The following GRXCR1 variants were observed in gnomAD, a reference collection of about 807,000 sequenced individuals.
The protein encoded by GRXCR1 is glutaredoxin domain-containing cysteine-rich protein 1.
GRXCR1 carries 27 observed loss-of-function variants against 27.3 expected under a neutral mutation model. The ratio of observed to expected loss-of-function variants is 0.99; its 90% CI spans 0.73 to 1.37. The LOEUF (loss-of-function observed/expected upper bound fraction) is 1.37. Ranked by LOEUF, GRXCR1 falls within the 40% of genes most tolerant of loss-of-function variation. The probability of loss-of-function intolerance (pLI) is 0.00; values close to 1 mark genes in which losing one functional copy is unlikely to be tolerated. For missense variants in GRXCR1, 379 were observed against 354.4 expected, an observed-to-expected ratio of 1.07 and a Z score of -0.56; for synonymous variants, 122 against 131.1, an observed-to-expected ratio of 0.93 and a Z score of 0.47.
At chr4:42,913,747 T>A (rs540554395) in intron 1 of GRXCR1, among the ~76,000 whole-genome samples, 1 of 152,286 alleles carries the variant, frequency 6.6e-6, no homozygotes, top group Non-Finnish European at 1.5e-5. Context: ...GCCTGTCCCA[T>A]CACAGGTGCA....
intron 1 of GRXCR1, among the ~76,000 whole-genome samples, chr4:42,959,396 A>G (rs1748079866): frequency 6.6e-6 from 1 of 151,784 alleles, no homozygotes; most frequent in African/African-American, 2.4e-5. Context: ...TCAAATACAT[A>G]GGAACAGTTG....
rs146823833 is a variant in GRXCR1, at chr4:42,935,863, C to T, written c.385-27029C>T. Among the ~76,000 whole-genome samples, 571 of 151,982 alleles carry T rather than the reference C, an allele frequency of 3.8e-3. 3 individuals carry two copies. The highest frequency in any genetic ancestry group is 0.013 in the African/African-American group (537 of 41,474). On this transcript the variant is annotated intron_variant, in intron 1 of 3. Transcript: ENST00000399770. ...TCTCAAAAGTTGTACAATGACCATA[C>T]GAAGTGAGATAATAGGTTTCTTTAC...
At chr4:42,983,498 C>T (rs1336239065) in intron 2 of GRXCR1, among the ~76,000 whole-genome samples, 2 of 150,632 alleles carry the variant, frequency 1.3e-5, no homozygotes, top group Non-Finnish European at 1.5e-5. Context: ...GTGATGCCTC[C>T]AGCTTTGTTC....
Position 42,893,412 on chromosome 4 carries a change from T to C in GRXCR1, c.146T>C (p.Ile49Thr). The C allele has an allele frequency of 6.2e-7, 1 of 1,613,832 alleles. No homozygotes were observed. The highest frequency in any genetic ancestry group is 8.5e-7 in the Non-Finnish European group (1 of 1,179,820). The change falls in exon 1 of 4, where the codon ATC becomes ACC. Residue 49 changes from isoleucine to threonine, a missense_variant. Physicochemically the swap from Ile to Thr is moderately conservative, Grantham distance 89 (BLOSUM62 -1). Transcript: ENST00000399770. The part of the protein sequence containing the change: ...SGSLDSECAS[I>T]CGIDGLGDSD... Reference sequence around the variant, plus strand: ...TCTCTGGATTCTGAATGTGCCAGTATCTGTGGGATAGATGGACTAGGTGAT... The same window carrying C: ...TCTCTGGATTCTGAATGTGCCAGTACCTGTGGGATAGATGGACTAGGTGAT...
chr4:42,932,601 TATATATATATATATATATAGAGAG>T (rs1170221291), intron 1 of GRXCR1, among the ~76,000 whole-genome samples: 24 of 59,148 alleles, frequency 4.1e-4, no homozygotes, highest in Non-Finnish European at 6.3e-4. Flanking sequence ...TATATATATA[TATATATATATATATATATAGAGAG>T]AGAGAGAGAG....
intron 1 of GRXCR1, among the ~76,000 whole-genome samples, chr4:42,921,665 C>T (rs188412584): frequency 4.2e-4 from 64 of 152,106 alleles, no homozygotes; most frequent in South Asian, 1.2e-3. Flanking sequence ...TTTCAGATTA[C>T]CATATTTAAA....
intron 1 of GRXCR1, among the ~76,000 whole-genome samples, chr4:42,922,385 C>A (rs571806974): frequency 6.6e-6 from 1 of 152,182 alleles, no homozygotes; most frequent in South Asian, 2.1e-4. Flanking sequence ...AGCTTCTTAC[C>A]TCCTGCGATC....
chr4:42,903,380 C>G (rs1195875075), intron 1 of GRXCR1, among the ~76,000 whole-genome samples: 2 of 131,644 alleles, frequency 1.5e-5, no homozygotes, highest in Non-Finnish European at 3.1e-5. Flanking sequence ...GGCATGATCT[C>G]GGCTCACTGC....
At chr4:42,922,972 G>A (rs1747055050) in intron 1 of GRXCR1, among the ~76,000 whole-genome samples, 1 of 152,066 alleles carries the variant, frequency 6.6e-6, no homozygotes, top group Non-Finnish European at 1.5e-5. Flanking sequence ...CTCCACTTCT[G>A]TTTTCCTTGG....
chr4:42,965,343 TC>T (rs1290268130), intron 2 of GRXCR1, among the ~76,000 whole-genome samples: 1 of 151,996 alleles, frequency 6.6e-6, no homozygotes, highest in East Asian at 1.9e-4. Context: ...TATTCCCCCT[TC>T]TTTTTTGCTT....
At chr4:42,904,532 T>A (rs1456815584) in intron 1 of GRXCR1, among the ~76,000 whole-genome samples, 1 of 152,190 alleles carries the variant, frequency 6.6e-6, no homozygotes, top group Non-Finnish European at 1.5e-5. Flanking sequence ...GCAGTCTAAC[T>A]TTTCCTAGTT....
At chr4:42,998,953 T>A (rs758609569) in intron 2 of GRXCR1, among the ~76,000 whole-genome samples, 1 of 152,194 alleles carries the variant, frequency 6.6e-6, no homozygotes, top group Non-Finnish European at 1.5e-5. Flanking sequence ...GGTACCTATA[T>A]TAGATCCTTC....
In GRXCR1 at chr4:43,013,378, G is replaced by A. The variant is rs144186951; in HGVS notation, c.628-6976G>A. Among the ~76,000 whole-genome samples, 510 of 152,214 alleles carry A rather than the reference G, an allele frequency of 3.4e-3. 1 individual carries two copies. Among genetic ancestry groups the A allele is most frequent in the Non-Finnish European group, 5.0e-3 (339 of 68,016 alleles). Reference sequence around the variant, plus strand: ...CATTATCATAAGTGAATTAATGCAGGAACAGAAAATCAAATATTGCATGTT... The same window carrying A: ...CATTATCATAAGTGAATTAATGCAGAAACAGAAAATCAAATATTGCATGTT... On this transcript the variant is annotated intron_variant, in intron 2 of 3. Transcript: ENST00000399770.
At chr4:42,941,812 G>A (rs1371453899) in intron 1 of GRXCR1, among the ~76,000 whole-genome samples, 1 of 151,966 alleles carries the variant, frequency 6.6e-6, no homozygotes, top group East Asian at 1.9e-4. Flanking sequence ...CAATGAGTGT[G>A]TAAATTCTAG....
At chr4:42,914,361 A>C (rs1746837524) in intron 1 of GRXCR1, among the ~76,000 whole-genome samples, 1 of 152,240 alleles carries the variant, frequency 6.6e-6, no homozygotes, top group African/African-American at 2.4e-5. Flanking sequence ...GATGTGAGAC[A>C]TGGAGTCAAA....
intron 2 of GRXCR1, among the ~76,000 whole-genome samples, chr4:42,977,716 G>C (rs927629855): frequency 2.6e-5 from 4 of 152,100 alleles, no homozygotes; most frequent in Admixed American, 1.3e-4. Context: ...TCCCTTGTCA[G>C]ATGGATAGTT....
At chr4:42,969,422 C>G (rs1748329450) in intron 2 of GRXCR1, among the ~76,000 whole-genome samples, 1 of 152,086 alleles carries the variant, frequency 6.6e-6, no homozygotes, top group Non-Finnish European at 1.5e-5. Flanking sequence ...ACAGGAAGCA[C>G]AGTTGGAAGA....
chr4:42,976,300 G>A (rs1284433439), intron 2 of GRXCR1, among the ~76,000 whole-genome samples: 1 of 151,952 alleles, frequency 6.6e-6, no homozygotes, highest in Admixed American at 6.6e-5. Flanking sequence ...TAACCTATAT[G>A]TGTAGCCATT....
Position 42,893,409 on chromosome 4 carries a change from G to A in GRXCR1, c.143G>A (p.Ser48Asn). ...GGCTCTCTGGATTCTGAATGTGCCA[G>A]TATCTGTGGGATAGATGGACTAGGT... ...PSGSLDSECA[S>N]ICGIDGLGDS... is the part of the protein sequence containing the mutation. The change falls in exon 1 of 4, where the codon AGT becomes AAT. Residue 48 changes from serine to asparagine, a missense_variant. Physicochemically the swap from Ser to Asn is conservative, Grantham distance 46 (BLOSUM62 1). Coordinates refer to ENST00000399770, the MANE Select transcript of GRXCR1 (RefSeq NM_001080476.3). The A allele has an allele frequency of 1.2e-6, 2 of 1,613,892 alleles. No homozygotes were observed. Among genetic ancestry groups the A allele is most frequent in the Non-Finnish European group, 1.7e-6 (2 of 1,179,836 alleles).
Sources: allele counts gnomAD v4.1 joint callset (sites outside exome capture counted in the v4.1 genomes callset), GRCh38; gene constraint gnomAD v4.1.1; transcripts MANE v1.5; gene names NCBI Gene and HGNC (gene_info 2026-07-23, HGNC 2026-07-21).